SHMT2: variants seen among roughly 807,000 people sequenced by gnomAD.
The protein encoded by SHMT2 is serine hydroxymethyltransferase, mitochondrial.
Under a neutral mutation model 59.6 loss-of-function variants are expected in SHMT2, and 38 were observed. That is an observed-to-expected ratio of 0.64 (90% confidence interval 0.49 to 0.84). SHMT2 has a LOEUF of 0.84. SHMT2 is among the 40% of genes least tolerant of loss of function. The probability of loss-of-function intolerance (pLI) is 0.00; values close to 1 mark genes in which losing one functional copy is unlikely to be tolerated. For missense variants in SHMT2, 533 were observed against 659.5 expected, an observed-to-expected ratio of 0.81 and a Z score of 2.10; for synonymous variants, 254 against 258.1, an observed-to-expected ratio of 0.98 and a Z score of 0.15.
intron 1 of SHMT2, chr12:57,230,590 G>T: frequency 1.4e-6 from 2 of 1,419,754 alleles, no homozygotes; most frequent in Non-Finnish European, 1.8e-6. Context: ...GTGCGGTGCG[G>T]TGAATGGAGC....
chr12:57,230,576 T>C (rs987744777), intron 1 of SHMT2: 16 of 1,404,456 alleles, frequency 1.1e-5, no homozygotes, highest in African/African-American at 2.9e-5. Context: ...GGGAGATTTC[T>C]GAGGTGCGGT....
intron 8 of SHMT2, 61 bp downstream of exon 8, chr12:57,233,406 A>G (rs1422634966): frequency 5.2e-6 from 8 of 1,530,380 alleles, no homozygotes; most frequent in Non-Finnish European, 6.2e-6. Flanking sequence ...TAGACCCTGC[A>G]CCTTGCTAAC....
At position 57,234,576 on chromosome 12, in the gene SHMT2, G is replaced by A; in HGVS notation, c.*215G>A. On this transcript the variant is annotated 3_prime_UTR_variant, in exon 12 of 12. Coordinates refer to ENST00000328923, the MANE Select transcript of SHMT2 (RefSeq NM_005412.6). ...AACAAGACTTAGAAGGAGGGCCCAG[G>A]CACTTTCTGTTTGAACCCCTGTCAT... 4.4e-6 allele frequency: 2 copies of A among 454,010 alleles called. No individual in the cohort carries two copies. The highest frequency in any genetic ancestry group is 7.3e-5 in the East Asian group (2 of 27,440). The allele number at this position is 454,010 out of a possible 1,614,324, so 28.1% of individuals were successfully genotyped here.
chr12:57,232,245 A>G lies in SHMT2; in HGVS notation c.547A>G (p.Ile183Val). ...CGGCTACATGTCTGACGTCAAGCGG[A>G]TATCAGCCACGTCCATCTTCTTCGA... is the stretch of plus-strand genomic sequence containing the variant. Reference protein sequence around the residue: ...THGYMSDVKRISATSIFFESM... With the variant: ...THGYMSDVKRVSATSIFFESM... Residue 183 changes from isoleucine to valine, a missense_variant, in exon 5 of 12, where the codon ATA becomes GTA. Physicochemically the swap from Ile to Val is conservative, Grantham distance 29. Transcript: ENST00000328923. 1.2e-6 allele frequency: 2 copies of G among 1,614,108 alleles called. No individual in the cohort carries two copies. Among genetic ancestry groups the G allele is most frequent in the Non-Finnish European group, 8.5e-7 (1 of 1,179,996 alleles).
chr12:57,233,469 G>A, intron 8 of SHMT2, 94 bp from the exon 9 acceptor site: 1 of 1,508,444 alleles, frequency 6.6e-7, no homozygotes, highest in Non-Finnish European at 9.0e-7. Flanking sequence ...GTCAAGGCTG[G>A]GGTCACAGAG....
At position 57,234,506 on chromosome 12, in the gene SHMT2, C is replaced by A; in HGVS notation, c.*145C>A. On this transcript the variant is annotated 3_prime_UTR_variant, in exon 12 of 12. Coordinates refer to ENST00000328923, the MANE Select transcript of SHMT2 (RefSeq NM_005412.6). The stretch of plus-strand genomic sequence containing the variant: ...AAGAGCCAGGTATAGTCTCCCTTCC[C>A]AGAATTTGTAACTGAGAAGATCTTT... 1.2e-6 allele frequency: 1 copy of A among 822,142 alleles called. No individual in the cohort carries two copies. The highest frequency in any genetic ancestry group is 1.8e-6 in the Non-Finnish European group (1 of 570,760). 50.9% of individuals were successfully genotyped at this position (822,142 alleles called of 1,614,324 possible). A position where few individuals can be genotyped will look rare whatever the true frequency, so the allele number is the denominator to read the frequency against.
In SHMT2 at chr12:57,232,727, C is replaced by T. The variant is rs921745312; in HGVS notation, c.741C>T (p.His247=). 4.3e-6 allele frequency: 7 copies of T among 1,610,306 alleles called. No individual in the cohort carries two copies. Among genetic ancestry groups the T allele is most frequent in the African/African-American group, 2.7e-5 (2 of 74,876 alleles). ...AGGTGTGTGATGAAGTCAAAGCACA[C>T]CTGCTGGCAGACATGGCCCACATCA... is the stretch of plus-strand genomic sequence containing the variant. The part of the protein sequence containing the change: ...MREVCDEVKA[H]LLADMAHISG... The change falls in exon 7 of 12, where the codon CAC becomes CAT. Residue 247 remains histidine (H), a synonymous_variant. Coordinates refer to ENST00000328923, the MANE Select transcript of SHMT2 (RefSeq NM_005412.6).
At chr12:57,233,155 C>A (rs561743151) in intron 7 of SHMT2, 25 bp from the exon 8 acceptor site, 54 of 1,520,736 alleles carry the variant, frequency 3.6e-5, no homozygotes, top group Admixed American at 2.2e-5. Flanking sequence ...TCAGCTTAGA[C>A]TCTGACCATC....
Position 57,231,845 on chromosome 12 carries a change from G to C in SHMT2, c.444G>C (p.Leu148=), listed in dbSNP as rs2037331761. ...CCTACTCCGGGTCCCCAGCCAACCT[G>C]GCCGTCTACACAGCCCTTCTGCAAC... ...VQPYSGSPAN[L]AVYTALLQPH... Residue 148 remains leucine, a synonymous_variant, in exon 4 of 12, where the codon CTG becomes CTC. Transcript: ENST00000328923. 1.9e-6 allele frequency: 3 copies of C among 1,613,980 alleles called. No individual in the cohort carries two copies. Among genetic ancestry groups the C allele is most frequent in the East Asian group, 4.5e-5 (2 of 44,882 alleles).
Position 57,230,991 on chromosome 12 carries a change from T to C in SHMT2, c.222T>C (p.Ile74=), listed in dbSNP as rs2037293277. The C allele has an allele frequency of 2.5e-6, 4 of 1,613,406 alleles. No individual in the cohort carries two copies. The East Asian group carries it at 8.9e-5, about 36-fold the overall frequency. The change falls in exon 2 of 12, where the codon ATT becomes ATC. Residue 74 remains isoleucine (I), a synonymous_variant. Transcript: ENST00000328923. ...GGCAGTGTCGTGGCCTGGAGCTCAT[T>C]GCCTCAGAGGTGGGACCTGGGGAGA... is the stretch of plus-strand genomic sequence containing the variant. ...KDRQCRGLEL[I]ASENFCSRAA...
chr12:57,233,062 A>T, intron 7 of SHMT2, 118 bp from the exon 8 acceptor site: 1 of 1,311,610 alleles, frequency 7.6e-7, no homozygotes, highest in Non-Finnish European at 1.0e-6. Flanking sequence ...ACTGGAATCC[A>T]GTGTACCAAG....
rs747725745 is a variant in SHMT2, at chr12:57,234,220, C to T, written c.1388-14C>T. The T allele has an allele frequency of 2.7e-5, 43 of 1,611,540 alleles. No individual in the cohort carries two copies. The highest frequency in any genetic ancestry group is 3.5e-5 in the Non-Finnish European group (41 of 1,178,354). The stretch of plus-strand genomic sequence containing the variant: ...AGAGCTCTGACCACTTGTTTCCTCA[C>T]CCTCTCTCTCTAGCCAAGCTCCAGG... On this transcript the variant is annotated splice_polypyrimidine_tract_variant and intron_variant, in intron 11 of 11. Transcript: ENST00000328923.
In SHMT2 at chr12:57,231,141, C is replaced by T. The variant is rs1054372362; in HGVS notation, c.231+141C>T. ...CTTTATCTTCCTTTCTTATCTCCCT[C>T]AAGCAAAGGCAGTGCAAGTCCAGTT... is the stretch of plus-strand genomic sequence containing the variant. On this transcript the variant is annotated intron_variant, in intron 2 of 11. Coordinates refer to ENST00000328923, the MANE Select transcript of SHMT2 (RefSeq NM_005412.6). The T allele has an allele frequency of 5.3e-5, 45 of 844,188 alleles. No individual in the cohort carries two copies. In the African/African-American group the frequency reaches 7.0e-4, roughly 13 times the overall value. The allele number at this position is 844,188 out of a possible 1,614,324, so 52.3% of individuals were successfully genotyped here.
rs914181473 is a variant in SHMT2 at position 57,231,903 on chromosome 12, G to C, written c.502G>C (p.Asp168His). Residue 168 changes from aspartate (D) to histidine (H), a missense_variant, in exon 4 of 12, where the codon GAT (aspartate) becomes CAT (histidine). Coordinates refer to ENST00000328923, the MANE Select transcript of SHMT2 (RefSeq NM_005412.6). The part of the protein sequence containing the change: ...HDRIMGLDLP[D>H]GGHLTHGYMS... ...CCGGATCATGGGGCTGGACCTGCCC[G>C]ATGGGGGCCAGTGAGTATGGATGGG... 1.9e-6 allele frequency: 3 copies of C among 1,608,212 alleles called. No individual in the cohort carries two copies. The highest frequency in any genetic ancestry group is 1.7e-5 in the Admixed American group (1 of 58,732).
In SHMT2 at chr12:57,232,548, C is replaced by T; in HGVS notation, c.690C>T (p.Arg230=). 6.2e-7 allele frequency: 1 copy of T among 1,614,244 alleles called. No individual in the cohort carries two copies. The highest frequency in any genetic ancestry group is 2.2e-5 in the East Asian group (1 of 44,886). The change falls in exon 6 of 12, where the codon CGC becomes CGT. Residue 230 remains arginine, a synonymous_variant. Coordinates refer to ENST00000328923, the MANE Select transcript of SHMT2 (RefSeq NM_005412.6). ...LIIAGTSAYA[R]LIDYARMREV... ...TAGCTGGCACCAGCGCCTATGCTCGCCTCATTGACTACGCCCGCATGAGAG... is the reference window on the plus strand; with the variant it reads ...TAGCTGGCACCAGCGCCTATGCTCGTCTCATTGACTACGCCCGCATGAGAG...
At chr12:57,232,602 C>T in intron 6 of SHMT2, 27 bp downstream of exon 6, 1 of 1,613,822 alleles carries the variant, frequency 6.2e-7, no homozygotes, top group East Asian at 2.2e-5. Context: ...GGAGACTGGG[C>T]ACCTCCCCAG....
At chr12:57,230,394 A>C in intron 1 of SHMT2, 10 of 1,143,834 alleles carry the variant, frequency 8.7e-6, no homozygotes, top group Non-Finnish European at 8.7e-6. Flanking sequence ...GCCCTTGCCA[A>C]CTCTGCCTCT....
chr12:57,234,208 C>G (rs1267847895), intron 11 of SHMT2, 26 bp from the exon 12 acceptor site: 10 of 1,611,680 alleles, frequency 6.2e-6, no homozygotes, highest in African/African-American at 1.3e-5. Flanking sequence ...GCTCTGACCA[C>G]TTGTTTCCTC....
intron 7 of SHMT2, 99 bp downstream of exon 7, chr12:57,232,942 A>G: frequency 6.7e-7 from 1 of 1,487,338 alleles, no homozygotes; most frequent in Non-Finnish European, 9.2e-7. Context: ...TCCCACCTGC[A>G]GCCCTTAAGA....
Sources: gnomAD v4.1 joint callset for allele counts on GRCh38, gnomAD v4.1.1 for gene constraint, MANE v1.5 for transcripts, NCBI Gene and HGNC (gene_info 2026-07-23, HGNC 2026-07-21) for gene names.